The following GRIN2B variants were observed in gnomAD, a reference collection of about 807,000 sequenced individuals.
GRIN2B encodes the protein glutamate ionotropic receptor NMDA type subunit 2B.
GRIN2B carries 5 observed loss-of-function variants against 114.5 expected under a neutral mutation model. The ratio of observed to expected loss-of-function variants is 0.04; its 90% CI spans 0.02 to 0.09. GRIN2B has a LOEUF of 0.09. GRIN2B is among the 10% of genes least tolerant of loss of function. The probability of loss-of-function intolerance (pLI) is 1.00; values close to 1 mark genes in which losing one functional copy is unlikely to be tolerated. For missense variants in GRIN2B, 1,108 were observed against 1,943.5 expected (o/e 0.57, Z 8.08); for synonymous variants, 787 against 745.1 (o/e 1.06, Z -0.92).
At chr12:13,916,141 C>T (rs76305898) in intron 2 of GRIN2B, among the ~76,000 whole-genome samples, 3,270 of 152,188 alleles carry the variant, frequency 0.021, 51 homozygotes, top group Middle Eastern at 0.041. Context: ...GGGCAAGAGG[C>T]TGGGGGACTT....
chr12:13,807,138 G>A (rs1864615787), intron 3 of GRIN2B, among the ~76,000 whole-genome samples: 2 of 152,090 alleles, frequency 1.3e-5, no homozygotes, highest in Admixed American at 1.3e-4. Context: ...TTTGCTTGGT[G>A]TTAATGAACA....
At position 13,841,887 on chromosome 12, in the gene GRIN2B, G is replaced by GT. The variant is rs1240985817; in HGVS notation, c.411+23910dup. 4.6e-5 allele frequency among the ~76,000 whole-genome samples: 7 copies of GT among 151,958 alleles called. No homozygotes were observed. In the East Asian group the frequency reaches 1.3e-3, roughly 29 times the overall value. ...CCTTTGTTTTTTTAAAAAAAATATG[G>GT]TATAGGACTATTTTTTAAAAGTCGA... is the stretch of plus-strand genomic sequence containing the variant. On this transcript the variant is annotated intron_variant, in intron 3 of 13. Coordinates refer to ENST00000609686, the MANE Select transcript of GRIN2B (RefSeq NM_000834.5).
At chr12:13,722,734 C>T (rs1419824874) in intron 4 of GRIN2B, among the ~76,000 whole-genome samples, 1 of 152,146 alleles carries the variant, frequency 6.6e-6, no homozygotes, top group African/African-American at 2.4e-5. Flanking sequence ...TGGGCTGACT[C>T]GAGTGACGAT....
At chr12:13,870,109 G>A (rs1314026948) in intron 2 of GRIN2B, among the ~76,000 whole-genome samples, 1 of 152,122 alleles carries the variant, frequency 6.6e-6, no homozygotes, top group African/African-American at 2.4e-5. Flanking sequence ...AATGTTAAGA[G>A]GAACCGCGCA....
intron 5 of GRIN2B, among the ~76,000 whole-genome samples, chr12:13,617,040 C>T (rs564433268): frequency 1.3e-5 from 2 of 152,206 alleles, no homozygotes; most frequent in African/African-American, 4.8e-5. Context: ...CTGGAGTTCC[C>T]GCATTATGTG....
intron 2 of GRIN2B, among the ~76,000 whole-genome samples, chr12:13,971,352 T>C (rs1443488626): frequency 6.6e-6 from 1 of 152,198 alleles, no homozygotes; most frequent in Non-Finnish European, 1.5e-5. Context: ...TCTGTACATT[T>C]AGGTTCACAT....
intron 3 of GRIN2B, among the ~76,000 whole-genome samples, chr12:13,865,385 G>A (rs573019868): frequency 2.6e-5 from 4 of 151,932 alleles, no homozygotes; most frequent in African/African-American, 4.8e-5. Context: ...TAATCCCAGC[G>A]CTGTGGGAGG....
intron 10 of GRIN2B, among the ~76,000 whole-genome samples, chr12:13,588,087 A>C (rs1016897791): frequency 6.6e-5 from 10 of 152,208 alleles, no homozygotes; most frequent in Admixed American, 1.3e-4. Flanking sequence ...GAACTCCATG[A>C]TAATTCTATC....
At position 13,550,642 on chromosome 12, in the gene GRIN2B, C is replaced by G. The variant is rs1948398674; in HGVS notation, c.*12141G>C. 1 of 152,136 alleles carries G rather than the reference C, an allele frequency of 6.6e-6. No individual in the cohort carries two copies. The highest frequency in any genetic ancestry group is 6.6e-5 in the Admixed American group (1 of 15,262). The allele number at this position is 152,136 out of a possible 1,614,324, so 9.4% of individuals were successfully genotyped here. A position where few individuals can be genotyped will look rare whatever the true frequency, so the allele number is the denominator to read the frequency against. The stretch of plus-strand genomic sequence containing the variant: ...CAGTTAGCAGGATAACTATGTTGCT[C>G]TACCACAAAGAAAATGCTGCCTTCA... On this transcript the variant is annotated 3_prime_UTR_variant, in exon 14 of 14. Transcript: ENST00000609686.
chr12:13,829,597 T>C (rs975430530), intron 3 of GRIN2B, among the ~76,000 whole-genome samples: 21 of 152,348 alleles, frequency 1.4e-4, no homozygotes, highest in African/African-American at 5.0e-4. Flanking sequence ...TAATGCAGGT[T>C]AACTAAGTCT....
At chr12:13,768,503 A>G (rs956227754) in intron 3 of GRIN2B, among the ~76,000 whole-genome samples, 2 of 152,360 alleles carry the variant, frequency 1.3e-5, no homozygotes, top group South Asian at 4.1e-4. Context: ...TAGAGAAGGA[A>G]GTGGCTCAGA....
intron 5 of GRIN2B, among the ~76,000 whole-genome samples, chr12:13,650,985 C>G (rs1352409031): frequency 6.6e-6 from 1 of 152,032 alleles, no homozygotes; most frequent in Admixed American, 6.6e-5. Context: ...TTAGAGAATA[C>G]CATTTAACCT....
intron 5 of GRIN2B, among the ~76,000 whole-genome samples, chr12:13,652,923 G>A (rs1275195645): frequency 6.6e-6 from 1 of 152,170 alleles, no homozygotes. Context: ...CCTTAGCGGG[G>A]CTTTGAGTTT....
At chr12:13,852,220 C>A (rs1279923198) in intron 3 of GRIN2B, among the ~76,000 whole-genome samples, 1 of 152,136 alleles carries the variant, frequency 6.6e-6, no homozygotes, top group Non-Finnish European at 1.5e-5. Flanking sequence ...AGAAGCTCAC[C>A]CCAGATGCAG....
intron 10 of GRIN2B, among the ~76,000 whole-genome samples, chr12:13,600,178 T>C (rs1476139147): frequency 9.9e-5 from 15 of 152,130 alleles, no homozygotes; most frequent in African/African-American, 1.2e-4. Flanking sequence ...CAGGACAGCG[T>C]TGGCTTCTGA....
intron 3 of GRIN2B, among the ~76,000 whole-genome samples, chr12:13,837,737 A>T (rs1167666028): frequency 1.3e-5 from 2 of 152,120 alleles, no homozygotes; most frequent in East Asian, 3.9e-4. Context: ...GGGGTTGGCG[A>T]TCTGTTCAAA....
At chr12:13,740,113 A>G (rs1863255424) in intron 4 of GRIN2B, among the ~76,000 whole-genome samples, 1 of 152,212 alleles carries the variant, frequency 6.6e-6, no homozygotes, top group Admixed American at 6.5e-5. Flanking sequence ...CTTAGTCTCT[A>G]TCAGAAAGGA....
At chr12:13,666,331 T>A (rs1272014108) in intron 5 of GRIN2B, among the ~76,000 whole-genome samples, 1 of 152,098 alleles carries the variant, frequency 6.6e-6, no homozygotes, top group African/African-American at 2.4e-5. Context: ...GGGCCACCTC[T>A]ATGACAGCGA....
chr12:13,754,048 G>T, intron 3 of GRIN2B, 133 bp from the exon 4 acceptor site: 1 of 623,418 alleles, frequency 1.6e-6, no homozygotes, highest in Non-Finnish European at 2.9e-6. Flanking sequence ...TTACAAGTTT[G>T]TATTTACAAT....
Sources: gnomAD v4.1 joint callset for allele counts (sites outside exome capture counted in the v4.1 genomes callset) on GRCh38, gnomAD v4.1.1 for gene constraint, MANE v1.5 for transcripts, NCBI Gene and HGNC (gene_info 2026-07-23, HGNC 2026-07-21) for gene names.